Variants in RMDN3 observed in about 807,000 individuals in gnomAD.
RMDN3 encodes regulator of microtubule dynamics 3, also known as regulator of microtubule dynamics protein 3.
Under a neutral mutation model 61.8 loss-of-function variants are expected in RMDN3, and 41 were observed. The observed-to-expected ratio is 0.66, with a 90% CI of 0.52 to 0.86. RMDN3 has a LOEUF of 0.86. RMDN3 is among the 40% of genes least tolerant of loss of function. The probability of loss-of-function intolerance (pLI) is 0.00; values close to 1 mark genes in which losing one functional copy is unlikely to be tolerated. For synonymous variants in RMDN3, 247 were observed against 232.0 expected (o/e 1.06, Z -0.59); for missense variants, 557 against 585.3 (o/e 0.95, Z 0.50).
In RMDN3 at chr15:40,751,926, C is replaced by T. The variant is rs929035871; in HGVS notation, c.380+60G>A. ...GAGACAGACAGCGAAGGCCAGAACA[C>T]ACCCCAGCTGAAAAGCTGCAGGGGA... On this transcript the variant is annotated intron_variant, in intron 3 of 12. Coordinates refer to ENST00000338376, the MANE Select transcript of RMDN3 (RefSeq NM_018145.3). 15 of 1,549,564 alleles carry T rather than the reference C, an allele frequency of 9.7e-6. No homozygotes were observed. The Admixed American group carries it at 1.8e-4, about 18-fold the overall frequency.
At chr15:40,741,753 C>T (rs1333630188) in intron 6 of RMDN3, among the ~76,000 whole-genome samples, 4 of 150,326 alleles carry the variant, frequency 2.7e-5, no homozygotes, top group Non-Finnish European at 5.9e-5. Context: ...GTCAGCCTCC[C>T]GAGTAGCTGG....
chr15:40,743,899 T>TC (rs1340911577), intron 6 of RMDN3, 148 bp downstream of exon 6: 1 of 608,864 alleles, frequency 1.6e-6, no homozygotes, highest in Non-Finnish European at 2.9e-6. Context: ...AAAGCAAGGG[T>TC]CTTTGGGAGC....
Position 40,740,181 on chromosome 15 carries a change from G to C in RMDN3, c.923C>G (p.Ala308Gly). 1 of 1,610,886 alleles carries C rather than the reference G, an allele frequency of 6.2e-7. No homozygotes were observed. The highest frequency in any genetic ancestry group is 1.7e-4 in the Middle Eastern group (1 of 6,058). The change falls in exon 7 of 13, where the codon GCA becomes GGA. Residue 308 changes from alanine (A) to glycine (G), a missense_variant. Coordinates refer to ENST00000338376, the MANE Select transcript of RMDN3 (RefSeq NM_018145.3). ...KSYALDGKEE[A>G]EAALEKGDES... ...ATCCCCCTTCTCCAGAGCAGCCTCT[G>C]CTTCTTCTTTTCCTGTAGGACGAAG...
intron 4 of RMDN3, among the ~76,000 whole-genome samples, chr15:40,748,085 TCA>T (rs1357048545): frequency 6.6e-6 from 1 of 152,096 alleles, no homozygotes; most frequent in Non-Finnish European, 1.5e-5. Flanking sequence ...GGGAACAAGC[TCA>T]CAGAGCTGCA....
At chr15:40,747,915 T>C (rs1234064650) in intron 4 of RMDN3, 2 of 152,174 alleles carry the variant, frequency 1.3e-5, no homozygotes, top group Non-Finnish European at 2.9e-5. Flanking sequence ...AAGACCCAAC[T>C]TAATGAGGTC....
intron 7 of RMDN3, 87 bp from the exon 8 acceptor site, chr15:40,738,663 G>C (rs1897162347): frequency 7.6e-7 from 1 of 1,317,026 alleles, no homozygotes; most frequent in African/African-American, 1.5e-5. Flanking sequence ...TAGTTGCATT[G>C]TCCCCTATCC....
At chr15:40,751,772 C>G in intron 3 of RMDN3, 4 of 851,010 alleles carry the variant, frequency 4.7e-6, no homozygotes, top group Non-Finnish European at 7.4e-6. Context: ...GCAAACAGAG[C>G]GCTTCAGCTG....
intron 4 of RMDN3, among the ~76,000 whole-genome samples, chr15:40,749,475 A>G (rs1020396146): frequency 5.9e-5 from 9 of 152,248 alleles, no homozygotes; most frequent in African/African-American, 2.2e-4. Flanking sequence ...TGATGGCACC[A>G]TGGAACTCCA....
chr15:40,748,062 G>GA (rs1897651682), intron 4 of RMDN3, among the ~76,000 whole-genome samples: 1 of 152,124 alleles, frequency 6.6e-6, no homozygotes, highest in Non-Finnish European at 1.5e-5. Flanking sequence ...AGCTGTGTTT[G>GA]GTACAATGCC....
rs761744970 is a variant in RMDN3, at chr15:40,751,565, G to A, written c.385C>T (p.His129Tyr). 9.3e-6 allele frequency: 15 copies of A among 1,614,032 alleles called. No individual in the cohort carries two copies. In the East Asian group the frequency reaches 2.7e-4, roughly 29 times the overall value. ...GCCACTCTCTGGTTCTCTTCCATGT[G>A]GCATCTGGAAAGCAGGCCCCATCCC... The part of the protein sequence containing the change: ...AGEIVGEVRC[H>Y]MEENQRVARR... Residue 129 changes from histidine to tyrosine, a missense_variant, in exon 4 of 13, where the codon CAC becomes TAC. His to Tyr is a moderately conservative substitution (Grantham distance 83). Transcript: ENST00000338376.
At chr15:40,754,126 G>C (rs1566812445) in intron 2 of RMDN3, among the ~76,000 whole-genome samples, 1 of 101,972 alleles carries the variant, frequency 9.8e-6, no homozygotes, top group African/African-American at 4.4e-5. Context: ...AACCACGACT[G>C]CTTTTTTTTT....
intron 7 of RMDN3, chr15:40,738,808 A>G (rs1897167672): frequency 1.8e-6 from 1 of 564,464 alleles, no homozygotes; most frequent in East Asian, 3.0e-5. Flanking sequence ...TATTCTAGGT[A>G]TAAAAAAAGC....
chr15:40,745,402 G>T, intron 4 of RMDN3, 143 bp from the exon 5 acceptor site: 5 of 629,212 alleles, frequency 7.9e-6, no homozygotes, highest in Non-Finnish European at 1.3e-5. Context: ...CTTAAGGGCA[G>T]ACTTTTTTTC....
At chr15:40,741,189 GGA>G (rs10595914) in intron 6 of RMDN3, among the ~76,000 whole-genome samples, 3,999 of 152,206 alleles carry the variant, frequency 0.026, 169 homozygotes, top group African/African-American at 0.092. Flanking sequence ...AAGTAAGTGG[GGA>G]GAGAGATCAC....
At chr15:40,736,692 A>C in intron 12 of RMDN3, 98 bp from the exon 13 acceptor site, 1 of 1,035,160 alleles carries the variant, frequency 9.7e-7, no homozygotes, top group Non-Finnish European at 1.5e-6. Context: ...TTCCTTCCTG[A>C]GCTCTGCTAC....
chr15:40,745,352 T>C (rs1321894589), intron 4 of RMDN3, 93 bp from the exon 5 acceptor site: 1 of 1,250,768 alleles, frequency 8.0e-7, no homozygotes, highest in Non-Finnish European at 1.1e-6. Flanking sequence ...GCACTCTACA[T>C]GGCATTGTCC....
At chr15:40,746,015 C>T (rs932699661) in intron 4 of RMDN3, among the ~76,000 whole-genome samples, 5 of 152,160 alleles carry the variant, frequency 3.3e-5, no homozygotes, top group South Asian at 2.1e-4. Flanking sequence ...AAGGGGAAGA[C>T]AATGCAAACT....
At chr15:40,738,860 C>T (rs921900433) in intron 7 of RMDN3, 6 of 467,164 alleles carry the variant, frequency 1.3e-5, no homozygotes, top group Non-Finnish European at 2.3e-5. Context: ...GTAAATCTCT[C>T]CTACACTCAT....
intron 7 of RMDN3, 66 bp from the exon 8 acceptor site, chr15:40,738,642 C>T (rs1897161509): frequency 6.7e-7 from 1 of 1,489,742 alleles, no homozygotes; most frequent in East Asian, 2.3e-5. Flanking sequence ...ATGGATGCCC[C>T]AACCACAGCC....
Sources: allele counts gnomAD v4.1 joint callset (sites outside exome capture counted in the v4.1 genomes callset), GRCh38; gene constraint gnomAD v4.1.1; transcripts MANE v1.5; gene names NCBI Gene and HGNC (gene_info 2026-07-23, HGNC 2026-07-21).